DAB1: variants seen among roughly 807,000 people sequenced by gnomAD.
The protein encoded by DAB1 is disabled homolog 1.
Under a neutral mutation model 64.6 loss-of-function variants are expected in DAB1, and 15 were observed. That is an observed-to-expected ratio of 0.23 (90% CI 0.16 to 0.36). DAB1 has a LOEUF of 0.36. DAB1 is among the 10% of genes least tolerant of loss of function. The probability of loss-of-function intolerance (pLI) is 1.00; values close to 1 mark genes in which losing one functional copy is unlikely to be tolerated. For missense variants in DAB1, 596 were observed against 706.7 expected (o/e 0.84, Z 1.78); for synonymous variants, 235 against 251.9 (o/e 0.93, Z 0.64).
intron 6 of DAB1, among the ~76,000 whole-genome samples, chr1:57,655,687 G>T (rs942787976): frequency 1.3e-5 from 2 of 152,044 alleles, no homozygotes; most frequent in African/African-American, 4.8e-5. Flanking sequence ...CATGAAACAG[G>T]GAAAGGGGAT....
chr1:57,549,598 A>T (rs193131639), intron 7 of DAB1, among the ~76,000 whole-genome samples: 1 of 152,196 alleles, frequency 6.6e-6, no homozygotes, highest in Non-Finnish European at 1.5e-5. Flanking sequence ...AGAGTCTGAT[A>T]AATCAAATTA....
chr1:57,873,485 T>A (rs1643989600), intron 1 of DAB1, among the ~76,000 whole-genome samples: 1 of 152,208 alleles, frequency 6.6e-6, no homozygotes, highest in Non-Finnish European at 1.5e-5. Flanking sequence ...ACATCTTGAA[T>A]GTAGAGGAAG....
intron 1 of DAB1, chr1:58,527,449 A>G: frequency 1.5e-6 from 1 of 649,190 alleles, no homozygotes; most frequent in South Asian, 1.7e-5. Context: ...TAAAATTCCT[A>G]TACTGTCTAC....
At chr1:57,466,530 G>C (rs995945477) in intron 7 of DAB1, among the ~76,000 whole-genome samples, 1 of 152,282 alleles carries the variant, frequency 6.6e-6, no homozygotes, top group African/African-American at 2.4e-5. Context: ...TTCAATTGCT[G>C]CATAAGAAAT....
rs185986902 is a variant in DAB1, at chr1:58,363,910, C to A, written n.258-20507G>T. 3.3e-5 allele frequency among the ~76,000 whole-genome samples: 5 copies of A among 152,334 alleles called. No homozygotes were observed. The East Asian group carries it at 9.6e-4, about 29-fold the overall frequency. On this transcript the variant is annotated intron_variant and non_coding_transcript_variant, in intron 3 of 20. Transcript: ENST00000485760. ...AAAGACCCTGGGGCTTTCCATAGAA[C>A]AGTGCATGGATTGGGTATTAGGTTG...
intron 5 of DAB1, among the ~76,000 whole-genome samples, chr1:58,008,569 G>A (rs1238226617): frequency 6.6e-6 from 1 of 152,168 alleles, no homozygotes; most frequent in Non-Finnish European, 1.5e-5. Flanking sequence ...AGATCAGGGA[G>A]CTCAATCATA....
intron 7 of DAB1, among the ~76,000 whole-genome samples, chr1:57,603,417 C>A (rs1484707744): frequency 6.6e-6 from 1 of 152,224 alleles, no homozygotes; most frequent in East Asian, 1.9e-4. Context: ...AACACTTAAA[C>A]TCAGTGCCTT....
At chr1:57,582,346 A>T (rs1484467681) in intron 7 of DAB1, among the ~76,000 whole-genome samples, 1 of 152,180 alleles carries the variant, frequency 6.6e-6, no homozygotes, top group African/African-American at 2.4e-5. Context: ...TTATCAAACA[A>T]CCAGGTCTTG....
chr1:57,891,364 C>T (rs141031227), intron 5 of DAB1, among the ~76,000 whole-genome samples: 1,566 of 152,258 alleles, frequency 0.01, 21 homozygotes, highest in African/African-American at 0.035. Context: ...ACAACAGATG[C>T]TGGAGAGGAT....
At chr1:58,204,756 C>T (rs2100273740) in intron 4 of DAB1, among the ~76,000 whole-genome samples, 1 of 152,304 alleles carries the variant, frequency 6.6e-6, no homozygotes, top group African/African-American at 2.4e-5. Flanking sequence ...CAGGCCAATG[C>T]ATCAAGCAGC....
chr1:58,129,708 G>A (rs1028686015), intron 5 of DAB1, among the ~76,000 whole-genome samples: 51 of 148,234 alleles, frequency 3.4e-4, no homozygotes, highest in African/African-American at 1.1e-3. Context: ...CCTTCATTTC[G>A]TTATGTACCC....
chr1:58,541,349 A>T (rs935818939), intron 1 of DAB1: 1 of 147,330 alleles, frequency 6.8e-6, no homozygotes, highest in Non-Finnish European at 1.5e-5. Context: ...AAAACACAAG[A>T]AAGTACATAC....
chr1:57,771,074 C>A (rs1277369164), intron 6 of DAB1, among the ~76,000 whole-genome samples: 1 of 152,128 alleles, frequency 6.6e-6, no homozygotes, highest in African/African-American at 2.4e-5. Flanking sequence ...GTAAGCTCCA[C>A]GAGGGCAGAG....
intron 9 of DAB1, among the ~76,000 whole-genome samples, chr1:57,026,429 A>G (rs1277634371): frequency 6.6e-6 from 1 of 152,190 alleles, no homozygotes; most frequent in Non-Finnish European, 1.5e-5. Flanking sequence ...CACACATACA[A>G]CTTGCCTTCC....
At chr1:57,846,839 A>T (rs1653311510) in intron 1 of DAB1, among the ~76,000 whole-genome samples, 1 of 152,252 alleles carries the variant, frequency 6.6e-6, no homozygotes, top group African/African-American at 2.4e-5. Flanking sequence ...ACACACAGAC[A>T]CGCAAACAAT....
At chr1:58,167,728 C>G (rs1208196708) in intron 4 of DAB1, among the ~76,000 whole-genome samples, 1 of 152,152 alleles carries the variant, frequency 6.6e-6, no homozygotes, top group African/African-American at 2.4e-5. Flanking sequence ...AGTGAAACCA[C>G]GAACCCACCA....
At chr1:57,823,408 G>A (rs1652208992), downstream of DAB1, among the ~76,000 whole-genome samples, 1 of 152,070 alleles carries the variant, frequency 6.6e-6, no homozygotes. Flanking sequence ...AAGAGGAAGG[G>A]GAATTGATGG....
chr1:58,439,587 GC>G (rs1447518649), intron 3 of DAB1, among the ~76,000 whole-genome samples: 8 of 152,146 alleles, frequency 5.3e-5, no homozygotes, highest in African/African-American at 1.9e-4. Flanking sequence ...GAGACCACTG[GC>G]CCCAGCATTT....
intron 3 of DAB1, among the ~76,000 whole-genome samples, chr1:58,393,801 C>G (rs1180354989): frequency 1.3e-5 from 2 of 152,122 alleles, no homozygotes; most frequent in Non-Finnish European, 2.9e-5. Flanking sequence ...CTTTAGTGAT[C>G]TATCACACAG....
Sources: gnomAD v4.1 joint callset for allele counts (sites outside exome capture counted in the v4.1 genomes callset) on GRCh38, gnomAD v4.1.1 for gene constraint, MANE v1.5 for transcripts, NCBI Gene and HGNC (gene_info 2026-07-23, HGNC 2026-07-21) for gene names.